Variants in ABCB1 observed in about 807,000 individuals in gnomAD.
ABCB1 encodes the protein ATP binding cassette subfamily B member 1.
ABCB1 carries 69 observed loss-of-function variants against 142.0 expected under a neutral mutation model. That is an observed-to-expected ratio of 0.49 (90% CI 0.40 to 0.59). ABCB1 has a LOEUF of 0.59. ABCB1 is among the 20% of genes least tolerant of loss of function. The probability of loss-of-function intolerance (pLI) is 0.00; values close to 1 mark genes in which losing one functional copy is unlikely to be tolerated. For synonymous variants in ABCB1, 532 were observed against 539.2 expected (o/e 0.99, Z 0.18); for missense variants, 1,326 against 1,554.7 (o/e 0.85, Z 2.47).
chr7:87,694,509 G>C (rs1000778545), intron 1 of ABCB1, among the ~76,000 whole-genome samples: 17 of 152,120 alleles, frequency 1.1e-4, no homozygotes, highest in Admixed American at 5.9e-4. Flanking sequence ...TTTTTAAATA[G>C]TAGAACGAAA....
intron 1 of ABCB1, among the ~76,000 whole-genome samples, chr7:87,685,243 A>G (rs1260957319): frequency 6.6e-6 from 1 of 152,226 alleles, no homozygotes; most frequent in Non-Finnish European, 1.5e-5. Flanking sequence ...AACCTTAATA[A>G]TATGAAAACC....
At chr7:87,549,302 T>C (rs760150400) in intron 14 of ABCB1, 46 bp downstream of exon 14, 6 of 1,612,344 alleles carry the variant, frequency 3.7e-6, no homozygotes, top group Non-Finnish European at 5.1e-6. Flanking sequence ...TAGTAGAATG[T>C]TCTTATGCTT....
intron 1 of ABCB1, among the ~76,000 whole-genome samples, chr7:87,644,721 G>T (rs1417331132): frequency 1.3e-5 from 2 of 151,768 alleles, no homozygotes; most frequent in Non-Finnish European, 2.9e-5. Context: ...AAAGGGATAG[G>T]AATATAATTT....
chr7:87,541,158 G>T (rs1307192277), intron 18 of ABCB1, among the ~76,000 whole-genome samples, 199 bp downstream of exon 18: 1 of 152,142 alleles, frequency 6.6e-6, no homozygotes, highest in African/African-American at 2.4e-5. Context: ...CGGGAGGTAA[G>T]GGTGGAGAGG....
intron 4 of ABCB1, among the ~76,000 whole-genome samples, chr7:87,574,043 A>G (rs185095775): frequency 6.6e-6 from 1 of 152,318 alleles, no homozygotes; most frequent in East Asian, 1.9e-4. Flanking sequence ...GAAAATAAGT[A>G]GTTGAGAATT....
At chr7:87,712,400 CAA>C (rs751533539) in intron 1 of ABCB1, among the ~76,000 whole-genome samples, 2 of 151,888 alleles carry the variant, frequency 1.3e-5, no homozygotes, top group African/African-American at 4.8e-5. Flanking sequence ...AAAATGAAAA[CAA>C]AGAATCGTAT....
At position 87,626,340 on chromosome 7, in the gene ABCB1, ATG is replaced by A. The variant is rs1340412061; in HGVS notation, c.-330-25264_-330-25263del. Among the ~76,000 whole-genome samples, 2 of 32,788 alleles carry A rather than the reference ATG, an allele frequency of 6.1e-5. 1 individual carries two copies. Among genetic ancestry groups the A allele is most frequent in the South Asian group, 3.7e-3 (2 of 546 alleles). 21.5% of individuals were successfully genotyped at this position (32,788 alleles called of 152,430 possible). ...TATGTGTCATATATATGTGTCGTAT[ATG>A]TGTCATATATATGTGTCATATATAT... On this transcript the variant is annotated intron_variant, in intron 1 of 28. Coordinates refer to the ABCB1 transcript ENST00000265724.
At chr7:87,526,744 TC>T (rs1815799347) in intron 21 of ABCB1, among the ~76,000 whole-genome samples, 2 of 152,070 alleles carry the variant, frequency 1.3e-5, no homozygotes, top group Admixed American at 1.3e-4. Context: ...ATGTAACCAA[TC>T]CGGAAAAAGT....
chr7:87,606,348 G>C (rs1819652510), intron 1 of ABCB1, among the ~76,000 whole-genome samples: 1 of 152,032 alleles, frequency 6.6e-6, no homozygotes, highest in Non-Finnish European at 1.5e-5. Flanking sequence ...TTATTCAAAT[G>C]AATAAGGAAA....
chr7:87,674,999 C>T (rs1826183610), intron 1 of ABCB1, among the ~76,000 whole-genome samples: 1 of 152,242 alleles, frequency 6.6e-6, no homozygotes, highest in Admixed American at 6.5e-5. Context: ...CCTGTACCTA[C>T]AGCCTTTTCA....
chr7:87,504,036 T>C lies in ABCB1; in HGVS notation c.*207A>G. The stretch of plus-strand genomic sequence containing the variant: ...TTTAATTCTGTTATAAAATTTATAA[T>C]GCAGTTTAAACTATGATTTCTCTCC... On this transcript the variant is annotated 3_prime_UTR_variant, in exon 28 of 28. Coordinates refer to ENST00000622132, the MANE Select transcript of ABCB1 (RefSeq NM_001348946.2). 3.2e-6 allele frequency: 2 copies of C among 615,690 alleles called. No individual in the cohort carries two copies. Among genetic ancestry groups the C allele is most frequent in the Non-Finnish European group, 5.6e-6 (2 of 355,282 alleles). The allele number at this position is 615,690 out of a possible 1,614,324, so 38.1% of individuals were successfully genotyped here.
intron 1 of ABCB1, among the ~76,000 whole-genome samples, chr7:87,656,913 C>T (rs1157310003): frequency 1.3e-5 from 2 of 152,058 alleles, no homozygotes; most frequent in Admixed American, 6.6e-5. Context: ...TACTATATGC[C>T]TAGCACTGTT....
chr7:87,549,222 A>T, intron 14 of ABCB1, 126 bp downstream of exon 14: 2 of 1,082,188 alleles, frequency 1.8e-6, no homozygotes, highest in Non-Finnish European at 2.7e-6. Flanking sequence ...CTTTTATTTT[A>T]ATAGCTGAAG....
At chr7:87,654,794 A>G (rs1475283590) in intron 1 of ABCB1, among the ~76,000 whole-genome samples, 1 of 152,126 alleles carries the variant, frequency 6.6e-6, no homozygotes, top group Admixed American at 6.6e-5. Flanking sequence ...AGAAATATTT[A>G]AAAACCACAC....
intron 1 of ABCB1, among the ~76,000 whole-genome samples, chr7:87,617,844 A>G (rs1404571493): frequency 2.6e-5 from 4 of 152,176 alleles, no homozygotes; most frequent in Admixed American, 2.6e-4. Flanking sequence ...GTTTAATGTG[A>G]TCAGTGAGCC....
At chr7:87,583,547 T>C (rs989742870) in intron 4 of ABCB1, among the ~76,000 whole-genome samples, 1 of 152,184 alleles carries the variant, frequency 6.6e-6, no homozygotes, top group Non-Finnish European at 1.5e-5. Context: ...TCTATGAAGA[T>C]GGAAATCTAA....
At position 87,562,933 on chromosome 7, in the gene ABCB1, T is replaced by C. The variant is rs1011962600; in HGVS notation, c.703-1546A>G. Among the ~76,000 whole-genome samples the C allele has an allele frequency of 4.6e-5, 7 of 152,010 alleles. 1 individual carries two copies. ...GGGCAACACATAGAAACCCCATCTC[T>C]ACAAAAAAATTAAAAACTAGCTGGA... On this transcript the variant is annotated intron_variant, in intron 7 of 27. Coordinates refer to ENST00000622132, the MANE Select transcript of ABCB1 (RefSeq NM_001348946.2).
chr7:87,645,376 G>A (rs948667850), intron 1 of ABCB1, among the ~76,000 whole-genome samples: 9 of 152,172 alleles, frequency 5.9e-5, no homozygotes, highest in Non-Finnish European at 1.0e-4. Context: ...GAGCCACCAC[G>A]CCTGGCCCAT....
chr7:87,591,176 G>A (rs1035633057), intron 3 of ABCB1, among the ~76,000 whole-genome samples: 1 of 152,124 alleles, frequency 6.6e-6, no homozygotes, highest in African/African-American at 2.4e-5. Flanking sequence ...TTGGAGTGAT[G>A]CAAGGAAGGG....
Sources: gnomAD v4.1 joint callset for allele counts (sites outside exome capture counted in the v4.1 genomes callset) on GRCh38, gnomAD v4.1.1 for gene constraint, MANE v1.5 for transcripts, NCBI Gene and HGNC (gene_info 2026-07-23, HGNC 2026-07-21) for gene names.